KRT8: variants seen among roughly 807,000 people sequenced by gnomAD.
The protein encoded by KRT8 is keratin, type II cytoskeletal 8.
KRT8 carries 24 observed loss-of-function variants against 43.0 expected under a neutral mutation model. That is an observed-to-expected ratio of 0.56 (90% confidence interval 0.40 to 0.78). The LOEUF is 0.78. Among genes scored for constraint, KRT8 ranks in the 30% least tolerant of loss-of-function variants. The pLI is 0.00. For synonymous variants in KRT8, 214 were observed against 261.2 expected, an observed-to-expected ratio of 0.82 and a Z score of 1.74; for missense variants, 492 against 638.4, an observed-to-expected ratio of 0.77 and a Z score of 2.47.
intron 2 of KRT8, among the ~76,000 whole-genome samples, chr12:52,916,400 G>C (rs1354585660): frequency 2.0e-5 from 3 of 152,214 alleles, no homozygotes; most frequent in African/African-American, 4.8e-5. Context: ...AGGTCACTCA[G>C]CTGCACTTCT....
intron 2 of KRT8, among the ~76,000 whole-genome samples, chr12:52,928,408 C>T (rs929696346): frequency 6.6e-6 from 1 of 152,126 alleles, no homozygotes; most frequent in South Asian, 2.1e-4. Flanking sequence ...CCTTACCTCC[C>T]CTTGGAGGTG....
At chr12:52,948,913 C>T in intron 2 of KRT8, 1 of 435,554 alleles carries the variant, frequency 2.3e-6, no homozygotes, top group Non-Finnish European at 3.9e-6. Context: ...GTGTCCATGC[C>T]CGGTTGGCCA....
intron 2 of KRT8, among the ~76,000 whole-genome samples, chr12:52,940,682 G>C (rs1025022072): frequency 6.9e-6 from 1 of 145,306 alleles, no homozygotes; most frequent in Non-Finnish European, 1.5e-5. Flanking sequence ...CTGGAGTGCA[G>C]TTGCGCCATC....
rs72648108 is a variant in KRT8, at chr12:52,899,604, C to A, written c.981+171G>T. The stretch of plus-strand genomic sequence containing the variant: ...TGGCCCAAGGGACCTTCCCTGCATC[C>A]CTTTGCTTCTCAGAAGCAGACTGAG... On this transcript the variant is annotated intron_variant, in intron 5 of 7. Coordinates refer to ENST00000692008, the Ensembl canonical transcript of KRT8. 0.047 allele frequency among the ~76,000 whole-genome samples: 7,111 copies of A among 152,118 alleles called. 431 individuals carry two copies. The highest frequency in any genetic ancestry group is 0.16 in the East Asian group (835 of 5,156).
chr12:52,946,547 C>T (rs1942346653), intron 2 of KRT8: 1 of 152,206 alleles, frequency 6.6e-6, no homozygotes, highest in Non-Finnish European at 1.5e-5. Context: ...CAAGGTTACA[C>T]AGCTAGCAAA....
chr12:52,898,123 C>T (rs1941261387), intron 7 of KRT8, among the ~76,000 whole-genome samples: 2 of 152,142 alleles, frequency 1.3e-5, no homozygotes, highest in Admixed American at 1.3e-4. Context: ...TGAGATCACG[C>T]CACTGCACTC....
At chr12:52,903,858 GCCCACCCCACCCCAC>G (rs557895911) in intron 1 of KRT8, among the ~76,000 whole-genome samples, 3,850 of 59,314 alleles carry the variant, frequency 0.065, 29 homozygotes, top group Non-Finnish European at 0.082. Context: ...CCCCACCCCA[GCCCACCCCACCCCAC>G]CCCACCCCAC....
At chr12:52,912,104 T>C (rs1183623616) in intron 2 of KRT8, among the ~76,000 whole-genome samples, 1 of 152,190 alleles carries the variant, frequency 6.6e-6, no homozygotes, top group African/African-American at 2.4e-5. Context: ...GAGACTGTCC[T>C]CAGAGCAGCA....
At chr12:52,945,867 T>C (rs1271057013) in intron 2 of KRT8, among the ~76,000 whole-genome samples, 1 of 151,896 alleles carries the variant, frequency 6.6e-6, no homozygotes, top group East Asian at 1.9e-4. Flanking sequence ...CATCCCCCTT[T>C]CCACCTTGCT....
intron 2 of KRT8, chr12:52,948,299 G>A (rs1942381813): frequency 6.6e-6 from 1 of 152,084 alleles, no homozygotes; most frequent in Non-Finnish European, 1.5e-5. Context: ...GTGTAAGCAA[G>A]CAGCTATGAG....
chr12:52,898,452 G>A lies in KRT8; in HGVS notation c.1261+9C>T, dbSNP rs185715618. 4,063 of 1,612,252 alleles carry A rather than the reference G, an allele frequency of 2.5e-3. 89 individuals carry two copies. The African/African-American group carries it at 0.046, about 18-fold the overall frequency. On this transcript the variant is annotated intron_variant, in intron 7 of 7. Coordinates refer to ENST00000692008, the Ensembl canonical transcript of KRT8. ...TCCCGCCCTCATCCCAGGGCCCTGGGACACCCACCTGCATAGCCGCTGGTG... is the reference window on the plus strand; with the variant it reads ...TCCCGCCCTCATCCCAGGGCCCTGGAACACCCACCTGCATAGCCGCTGGTG...
chr12:52,917,920 AAGAAGG>A (rs1318326045), intron 2 of KRT8, among the ~76,000 whole-genome samples: 4 of 149,608 alleles, frequency 2.7e-5, no homozygotes, highest in African/African-American at 4.9e-5. Flanking sequence ...GGAGAAAAAG[AAGAAGG>A]AGAAGGAGAA....
intron 2 of KRT8, among the ~76,000 whole-genome samples, chr12:52,915,083 T>C (rs1373605585): frequency 6.6e-6 from 1 of 151,820 alleles, no homozygotes; most frequent in Admixed American, 6.6e-5. Context: ...GGAAAAAAAA[T>C]GTGATTTGGG....
intron 2 of KRT8, chr12:52,949,074 G>A: frequency 1.8e-6 from 2 of 1,132,966 alleles, no homozygotes; most frequent in Non-Finnish European, 2.6e-6. Flanking sequence ...GGCGGGGGCG[G>A]GGCCTCACTC....
At chr12:52,949,383 T>C (rs1170196292) in intron 2 of KRT8, 1 of 1,610,044 alleles carries the variant, frequency 6.2e-7, no homozygotes, top group Admixed American at 1.7e-5. Flanking sequence ...TAGCCGGGGG[T>C]CTGGCAGGAA....
At chr12:52,931,227 C>A (rs1469301999) in intron 2 of KRT8, among the ~76,000 whole-genome samples, 2 of 152,096 alleles carry the variant, frequency 1.3e-5, no homozygotes, top group African/African-American at 4.8e-5. Context: ...GCCATCAAGC[C>A]TGGCTAATTT....
At chr12:52,927,115 T>C (rs1292388364) in intron 2 of KRT8, among the ~76,000 whole-genome samples, 1 of 152,176 alleles carries the variant, frequency 6.6e-6, no homozygotes, top group Non-Finnish European at 1.5e-5. Flanking sequence ...GATTGTTTCA[T>C]GGATACCAGA....
Position 52,900,074 on chromosome 12 carries a change from G to T in KRT8, c.691-9C>A. 6.2e-7 allele frequency: 1 copy of T among 1,612,054 alleles called. No individual in the cohort carries two copies. The highest frequency in any genetic ancestry group is 2.2e-5 in the East Asian group (1 of 44,866). ...TGCAGCTCCCGGATCTCCTGTGGGG[G>T]AAGAGGGCAAGTGGTGAGGCCCTGT... On this transcript the variant is annotated splice_polypyrimidine_tract_variant and intron_variant, in intron 4 of 7. Transcript: ENST00000692008.
At chr12:52,905,076 T>A in exon 1 of KRT8, 5 of 1,493,272 alleles carry the variant, frequency 3.3e-6, no homozygotes, top group South Asian at 1.3e-5. Flanking sequence ...CTCTCAGGAA[T>A]GGCCTTTTAT....
Sources: allele counts gnomAD v4.1 joint callset (sites outside exome capture counted in the v4.1 genomes callset), GRCh38; gene constraint gnomAD v4.1.1; transcripts MANE v1.5; gene names NCBI Gene and HGNC (gene_info 2026-07-23, HGNC 2026-07-21).